SGCZ: variants seen among roughly 807,000 people sequenced by gnomAD.
SGCZ encodes the protein zeta-sarcoglycan.
SGCZ carries 40 observed loss-of-function variants against 41.3 expected under a neutral mutation model. That is an observed-to-expected ratio of 0.97 (90% confidence interval 0.75 to 1.26). The LOEUF (loss-of-function observed/expected upper bound fraction) is 1.26. SGCZ is among the 50% of genes most tolerant of loss of function. The probability of loss-of-function intolerance (pLI) is 0.00; values close to 1 mark genes in which losing one functional copy is unlikely to be tolerated. For synonymous variants in SGCZ, 206 were observed against 137.5 expected (o/e 1.50, Z -3.49); for missense variants, 552 against 369.8 (o/e 1.49, Z -4.04).
At chr8:14,772,807 T>G (rs1800290842) in intron 1 of SGCZ, among the ~76,000 whole-genome samples, 1 of 152,128 alleles carries the variant, frequency 6.6e-6, no homozygotes, top group Non-Finnish European at 1.5e-5. Flanking sequence ...TGTGCCACAT[T>G]TCCTTAATCC....
intron 1 of SGCZ, among the ~76,000 whole-genome samples, chr8:14,991,987 G>T (rs536027851): frequency 1.5e-4 from 20 of 133,490 alleles, no homozygotes; most frequent in African/African-American, 5.5e-4. Flanking sequence ...AACTAGTATT[G>T]CCATTGATAT....
intron 1 of SGCZ, among the ~76,000 whole-genome samples, chr8:14,751,205 A>T (rs1045990185): frequency 6.6e-6 from 1 of 152,182 alleles, no homozygotes. Flanking sequence ...TAAGCACATC[A>T]GTGATAAAGA....
chr8:14,274,869 G>A (rs1800176202), intron 3 of SGCZ, among the ~76,000 whole-genome samples: 1 of 151,756 alleles, frequency 6.6e-6, no homozygotes, highest in Non-Finnish European at 1.5e-5. Flanking sequence ...TAATACTCTA[G>A]TCTAGGCATT....
At chr8:14,927,791 G>C (rs187547656) in intron 1 of SGCZ, among the ~76,000 whole-genome samples, 2 of 152,082 alleles carry the variant, frequency 1.3e-5, no homozygotes, top group African/African-American at 4.8e-5. Context: ...CCTTATTAAA[G>C]GGTTAACTTC....
chr8:14,236,752 T>G (rs1165880512), intron 4 of SGCZ, among the ~76,000 whole-genome samples: 1 of 151,594 alleles, frequency 6.6e-6, no homozygotes, highest in African/African-American at 2.4e-5. Context: ...ACCAATACAG[T>G]GTTACAAAAA....
intron 2 of SGCZ, among the ~76,000 whole-genome samples, chr8:14,452,540 G>C (rs929432637): frequency 2.6e-5 from 4 of 151,414 alleles, no homozygotes; most frequent in African/African-American, 9.7e-5. Context: ...ATACATCCTG[G>C]GCATGCATAT....
chr8:14,357,887 T>C (rs1803352887), intron 2 of SGCZ, among the ~76,000 whole-genome samples: 1 of 152,188 alleles, frequency 6.6e-6, no homozygotes, highest in African/African-American at 2.4e-5. Flanking sequence ...AAGCAATGAC[T>C]AATAATCAGC....
At chr8:14,525,627 T>A (rs991620682) in intron 2 of SGCZ, among the ~76,000 whole-genome samples, 1 of 152,096 alleles carries the variant, frequency 6.6e-6, no homozygotes, top group African/African-American at 2.4e-5. Flanking sequence ...CTTCTTGACC[T>A]AGTCACATCA....
intron 2 of SGCZ, among the ~76,000 whole-genome samples, chr8:14,485,625 C>A (rs13254391): frequency 0.28 from 43,117 of 151,998 alleles, 6,825 homozygotes; most frequent in African/African-American, 0.44. Flanking sequence ...TCGGTTTCCT[C>A]TCATAGTACA....
At chr8:15,203,274 A>G (rs1177903471) in intron 1 of SGCZ, among the ~76,000 whole-genome samples, 1 of 152,216 alleles carries the variant, frequency 6.6e-6, no homozygotes, top group African/African-American at 2.4e-5. Flanking sequence ...TCTATATTCT[A>G]AAAGTTTCTA....
At chr8:14,565,389 C>A (rs1804328115) in intron 1 of SGCZ, among the ~76,000 whole-genome samples, 1 of 151,824 alleles carries the variant, frequency 6.6e-6, no homozygotes, top group African/African-American at 2.4e-5. Context: ...ATTCTCAGAG[C>A]TTTTCTGCTA....
intron 1 of SGCZ, among the ~76,000 whole-genome samples, chr8:14,714,830 C>G (rs1035558449): frequency 6.6e-6 from 1 of 151,924 alleles, no homozygotes; most frequent in African/African-American, 2.4e-5. Flanking sequence ...TTTTATAATC[C>G]TCAGAGTCAG....
chr8:14,140,542 C>G (rs1473095236), intron 5 of SGCZ, among the ~76,000 whole-genome samples: 1 of 152,026 alleles, frequency 6.6e-6, no homozygotes, highest in Non-Finnish European at 1.5e-5. Flanking sequence ...AAACAGAGAG[C>G]AAAATAGTGA....
At chr8:14,378,902 T>G (rs1253033934) in intron 2 of SGCZ, among the ~76,000 whole-genome samples, 1 of 152,198 alleles carries the variant, frequency 6.6e-6, no homozygotes, top group East Asian at 1.9e-4. Flanking sequence ...AAAATCTTTA[T>G]TTGACTTATA....
intron 1 of SGCZ, among the ~76,000 whole-genome samples, chr8:14,634,143 A>T (rs533457251): frequency 7.9e-5 from 12 of 151,984 alleles, no homozygotes; most frequent in South Asian, 4.1e-4. Context: ...TCAGAAAAAA[A>T]TTTTTTAAAG....
chr8:15,133,841 A>C (rs1256009682), intron 1 of SGCZ, among the ~76,000 whole-genome samples: 1 of 152,200 alleles, frequency 6.6e-6, no homozygotes, highest in Non-Finnish European at 1.5e-5. Context: ...AGATTTGTGA[A>C]AAAAACAAGT....
At chr8:14,484,504 G>C (rs907164940) in intron 2 of SGCZ, among the ~76,000 whole-genome samples, 1 of 152,056 alleles carries the variant, frequency 6.6e-6, no homozygotes, top group Non-Finnish European at 1.5e-5. Flanking sequence ...TTGCTATCTT[G>C]GTTAGCAGTT....
intron 1 of SGCZ, among the ~76,000 whole-genome samples, chr8:15,205,467 G>A (rs979473632): frequency 6.6e-6 from 1 of 151,952 alleles, no homozygotes; most frequent in East Asian, 1.9e-4. Flanking sequence ...CCTACCAAAG[G>A]AAAACATACA....
chr8:14,494,265 T>C (rs1007899579), intron 2 of SGCZ, among the ~76,000 whole-genome samples: 1 of 152,158 alleles, frequency 6.6e-6, no homozygotes, highest in African/African-American at 2.4e-5. Context: ...TCTCAATCAC[T>C]ATCTTTGGGC....
Sources: allele counts gnomAD v4.1 joint callset (sites outside exome capture counted in the v4.1 genomes callset), GRCh38; gene constraint gnomAD v4.1.1; transcripts MANE v1.5; gene names NCBI Gene and HGNC (gene_info 2026-07-23, HGNC 2026-07-21).